The following WWOX variants were observed in gnomAD, a reference collection of about 807,000 sequenced individuals.
The protein encoded by WWOX is WW domain containing oxidoreductase, also known as WW domain-containing oxidoreductase.
WWOX carries 69 observed loss-of-function variants against 46.2 expected under a neutral mutation model. The observed-to-expected ratio is 1.49, with a 90% confidence interval of 1.23 to 1.82. The LOEUF (loss-of-function observed/expected upper bound fraction) is 1.82, where lower values mean the gene tolerates loss of function less well. Ranked by LOEUF, WWOX falls within the 40% of genes most tolerant of loss-of-function variation. The pLI, the probability that WWOX is intolerant of heterozygous loss-of-function variation, is 0.00. For missense variants in WWOX, 919 were observed against 542.6 expected (o/e 1.69, Z -6.89); for synonymous variants, 359 against 202.6 (o/e 1.77, Z -6.56).
At chr16:78,447,623 G>A (rs984155071) in intron 8 of WWOX, among the ~76,000 whole-genome samples, 4 of 152,110 alleles carry the variant, frequency 2.6e-5, no homozygotes. Flanking sequence ...AAAATTAGTC[G>A]GAGGCGGAAG....
At chr16:78,333,386 A>G (rs1024261012) in intron 5 of WWOX, among the ~76,000 whole-genome samples, 3 of 151,986 alleles carry the variant, frequency 2.0e-5, no homozygotes, top group Admixed American at 1.3e-4. Context: ...TTAAAATTTT[A>G]TTTTAATGTT....
intron 8 of WWOX, among the ~76,000 whole-genome samples, chr16:78,773,690 G>C (rs1000849692): frequency 6.6e-6 from 1 of 152,226 alleles, no homozygotes; most frequent in Non-Finnish European, 1.5e-5. Flanking sequence ...ACAGTGGTGT[G>C]TCTGGAGTTG....
At chr16:78,156,593 G>A (rs2034608648) in intron 4 of WWOX, among the ~76,000 whole-genome samples, 1 of 152,150 alleles carries the variant, frequency 6.6e-6, no homozygotes, top group Non-Finnish European at 1.5e-5. Flanking sequence ...AGATTGGAGG[G>A]TGTAAGGCTC....
intron 8 of WWOX, among the ~76,000 whole-genome samples, chr16:78,947,159 CA>C (rs2045965356): frequency 6.7e-6 from 1 of 148,712 alleles, no homozygotes; most frequent in South Asian, 2.1e-4. Context: ...AAAAATAGAT[CA>C]AAAAAGTACC....
At chr16:78,730,668 C>G (rs1019094387) in intron 8 of WWOX, among the ~76,000 whole-genome samples, 4 of 147,946 alleles carry the variant, frequency 2.7e-5, no homozygotes, top group Admixed American at 7.0e-5. Flanking sequence ...CTGTGTTGCC[C>G]GGGATGGTCT....
At chr16:78,955,866 A>G (rs2046155449) in intron 8 of WWOX, among the ~76,000 whole-genome samples, 1 of 151,740 alleles carries the variant, frequency 6.6e-6, no homozygotes, top group African/African-American at 2.4e-5. Flanking sequence ...CTGGTCTCTA[A>G]TTCCTGGCCT....
chr16:79,091,397 T>C (rs1200755996), intron 8 of WWOX, among the ~76,000 whole-genome samples: 4 of 152,298 alleles, frequency 2.6e-5, no homozygotes, highest in East Asian at 3.9e-4. Context: ...CAGATGAATT[T>C]GAAGGCTGCC....
chr16:78,825,936 C>T (rs576800253), intron 8 of WWOX: 3 of 813,542 alleles, frequency 3.7e-6, no homozygotes, highest in African/African-American at 3.4e-5. Flanking sequence ...GTGCCCACCA[C>T]TCCCATCTCA....
At chr16:78,157,212 A>G (rs906904808) in intron 4 of WWOX, among the ~76,000 whole-genome samples, 3 of 152,134 alleles carry the variant, frequency 2.0e-5, no homozygotes, top group Admixed American at 2.0e-4. Flanking sequence ...CGGGCTCCCA[A>G]ATGCAGTTGT....
chr16:78,879,298 C>T lies in WWOX; in HGVS notation c.1057-332310C>T, dbSNP rs577325849. On this transcript the variant is annotated intron_variant, in intron 8 of 8. Transcript: ENST00000566780. ...AAGATTGCATCTCAGTATGAGACAC[C>T]GTAAGAGCTTGATAAATGGTGGACC... is the stretch of plus-strand genomic sequence containing the variant. Among the ~76,000 whole-genome samples the T allele has an allele frequency of 9.2e-5, 14 of 152,196 alleles. No homozygotes were observed. The East Asian group carries it at 9.7e-4, about 11-fold the overall frequency.
intron 8 of WWOX, among the ~76,000 whole-genome samples, chr16:78,959,363 A>G (rs2046230200): frequency 6.6e-6 from 1 of 152,252 alleles, no homozygotes; most frequent in Non-Finnish European, 1.5e-5. Flanking sequence ...GAAAGCAAAG[A>G]GAGATAGAGA....
intron 8 of WWOX, among the ~76,000 whole-genome samples, chr16:78,452,217 G>C (rs970215425): frequency 6.6e-6 from 1 of 152,100 alleles, no homozygotes; most frequent in African/African-American, 2.4e-5. Context: ...TGGATTGTCC[G>C]CACTCATAAA....
At chr16:78,531,423 A>T (rs991056244) in intron 8 of WWOX, among the ~76,000 whole-genome samples, 2 of 152,202 alleles carry the variant, frequency 1.3e-5, no homozygotes, top group Non-Finnish European at 2.9e-5. Context: ...ATTGGACAGT[A>T]AGGATGTGAC....
chr16:78,141,868 A>C (rs1446144850), intron 4 of WWOX, among the ~76,000 whole-genome samples: 1 of 152,150 alleles, frequency 6.6e-6, no homozygotes, highest in Non-Finnish European at 1.5e-5. Flanking sequence ...AATGGAAAAA[A>C]AATTCAGTTA....
chr16:79,099,593 TGAGAGAGAGA>T (rs10598848), intron 8 of WWOX, among the ~76,000 whole-genome samples: 3 of 148,760 alleles, frequency 2.0e-5, no homozygotes, highest in Non-Finnish European at 1.5e-5. Flanking sequence ...TGTGTGTTTG[TGAGAGAGAGA>T]GAGAGAGAGA....
At chr16:79,129,691 C>A (rs2049835756) in intron 8 of WWOX, among the ~76,000 whole-genome samples, 1 of 152,124 alleles carries the variant, frequency 6.6e-6, no homozygotes, top group African/African-American at 2.4e-5. Context: ...CATTCCATGC[C>A]TGGCACTGTG....
chr16:78,230,985 C>A (rs139067009), intron 5 of WWOX, among the ~76,000 whole-genome samples: 2 of 152,228 alleles, frequency 1.3e-5, no homozygotes, highest in East Asian at 1.9e-4. Flanking sequence ...CCCTTATTTA[C>A]GCACTGACTG....
chr16:78,888,876 A>G lies in WWOX; in HGVS notation c.1057-322732A>G, dbSNP rs570219586. Among the ~76,000 whole-genome samples the G allele has an allele frequency of 4.6e-5, 7 of 151,796 alleles. No homozygotes were observed. In the South Asian group the frequency reaches 1.5e-3, roughly 32 times the overall value. ...AGACTGCCCAGCAGTATTTCTGTTT[A>G]CTCGATCTAATTTCTCTTCCATTCC... On this transcript the variant is annotated intron_variant, in intron 8 of 8. Coordinates refer to ENST00000566780, the MANE Select transcript of WWOX (RefSeq NM_016373.4).
At position 79,198,338 on chromosome 16, in the gene WWOX, A is replaced by G. The variant is rs534895865; in HGVS notation, c.1057-13270A>G. ...GAGTGAGAGACAGACTGTCTCAAAAAAAGAGAAAAGTAAAGAAAAGAAAAG... is the reference window on the plus strand; with the variant it reads ...GAGTGAGAGACAGACTGTCTCAAAAGAAGAGAAAAGTAAAGAAAAGAAAAG... On this transcript the variant is annotated intron_variant, in intron 8 of 8. Coordinates refer to ENST00000566780, the MANE Select transcript of WWOX (RefSeq NM_016373.4). Among the ~76,000 whole-genome samples, 10 of 152,302 alleles carry G rather than the reference A, an allele frequency of 6.6e-5. No individual in the cohort carries two copies. The South Asian group carries it at 1.4e-3, about 22-fold the overall frequency.
Sources: gnomAD v4.1 joint callset for allele counts (sites outside exome capture counted in the v4.1 genomes callset) on GRCh38, gnomAD v4.1.1 for gene constraint, MANE v1.5 for transcripts, NCBI Gene and HGNC (gene_info 2026-07-23, HGNC 2026-07-21) for gene names.